BRINP3: variants seen among roughly 807,000 people sequenced by gnomAD.
The protein encoded by BRINP3 is BMP/retinoic acid inducible neural specific 3.
A neutral mutation model predicts 71.0 loss-of-function variants in BRINP3; 19 were observed. The ratio of observed to expected loss-of-function variants is 0.27; its 90% CI spans 0.19 to 0.39. The LOEUF is 0.39. Among genes scored for constraint, BRINP3 ranks in the 10% least tolerant of loss-of-function variants. The pLI is 1.00. For synonymous variants in BRINP3, 380 were observed against 337.7 expected, an observed-to-expected ratio of 1.13 and a Z score of -1.37; for missense variants, 959 against 940.8, an observed-to-expected ratio of 1.02 and a Z score of -0.25.
chr1:190,440,031 T>C (rs1674712284), intron 2 of BRINP3, among the ~76,000 whole-genome samples: 1 of 152,000 alleles, frequency 6.6e-6, no homozygotes, highest in Admixed American at 6.6e-5. Flanking sequence ...TTATCAAAAA[T>C]CAGATTTTTA....
chr1:190,424,451 A>T (rs1673573382), intron 2 of BRINP3, among the ~76,000 whole-genome samples: 1 of 151,632 alleles, frequency 6.6e-6, no homozygotes, highest in Admixed American at 6.6e-5. Context: ...ACAGTGAGGA[A>T]AAGTGGAGAA....
At chr1:190,123,380 G>A (rs563233625) in intron 7 of BRINP3, among the ~76,000 whole-genome samples, 22 of 152,210 alleles carry the variant, frequency 1.4e-4, no homozygotes, top group African/African-American at 5.3e-4. Flanking sequence ...TCAGGAGTCT[G>A]TGTCTTCTGC....
chr1:190,337,514 C>CT (rs1194566122), intron 2 of BRINP3, among the ~76,000 whole-genome samples: 2 of 152,028 alleles, frequency 1.3e-5, no homozygotes, highest in Non-Finnish European at 2.9e-5. Context: ...GCTAGACTGG[C>CT]TGAGTCTTCT....
intron 4 of BRINP3, among the ~76,000 whole-genome samples, chr1:190,235,665 T>A (rs1658444574): frequency 6.6e-6 from 1 of 151,986 alleles, no homozygotes; most frequent in South Asian, 2.1e-4. Flanking sequence ...TTTGACTTGT[T>A]GTTCTAGTAC....
chr1:190,210,184 T>G (rs1425276397), intron 6 of BRINP3, among the ~76,000 whole-genome samples: 3 of 152,140 alleles, frequency 2.0e-5, no homozygotes, highest in African/African-American at 7.2e-5. Flanking sequence ...AGTATTTTTA[T>G]CAAAATTATC....
At chr1:190,217,050 G>A (rs1015324811) in intron 6 of BRINP3, 57 of 152,000 alleles carry the variant, frequency 3.8e-4, no homozygotes, top group African/African-American at 1.3e-3. Flanking sequence ...TCTATGTAGA[G>A]TATAACAGGA....
intron 2 of BRINP3, among the ~76,000 whole-genome samples, chr1:190,406,368 T>G (rs931665170): frequency 6.6e-6 from 1 of 152,192 alleles, no homozygotes; most frequent in African/African-American, 2.4e-5. Context: ...ATGGACCATA[T>G]TTCATAAGCT....
At chr1:190,235,672 G>A (rs1017393796) in intron 4 of BRINP3, among the ~76,000 whole-genome samples, 2 of 151,846 alleles carry the variant, frequency 1.3e-5, no homozygotes, top group African/African-American at 4.8e-5. Flanking sequence ...TGTTGTTCTA[G>A]TACCTGGAAC....
At position 190,199,918 on chromosome 1, in the gene BRINP3, G is replaced by A. The variant is rs564852355; in HGVS notation, c.961+26164C>T. On this transcript the variant is annotated intron_variant, in intron 6 of 7. Coordinates refer to ENST00000367462, the MANE Select transcript of BRINP3 (RefSeq NM_199051.3). ...AATATAAAATATTCACCTTGTCTAT[G>A]TGACAACTACCTGAATTGCCAGACT... 5.3e-5 allele frequency among the ~76,000 whole-genome samples: 8 copies of A among 151,716 alleles called. No homozygotes were observed. In the South Asian group the frequency reaches 1.7e-3, roughly 32 times the overall value.
In BRINP3 at chr1:190,147,386, C is replaced by A. The variant is rs143161970; in HGVS notation, c.1184+13282G>T. 6.7e-3 allele frequency among the ~76,000 whole-genome samples: 1,023 copies of A among 152,078 alleles called. 6 individuals carry two copies. Among genetic ancestry groups the A allele is most frequent in the Non-Finnish European group, 9.7e-3 (661 of 67,958 alleles). ...TTTATTTCAGGATAAAGTTTATATA[C>A]CTTCTTGAGTTGATTATTCTATTAA... On this transcript the variant is annotated intron_variant, in intron 7 of 7. Transcript: ENST00000367462.
chr1:190,347,426 C>T (rs1307115962), intron 2 of BRINP3, among the ~76,000 whole-genome samples: 1 of 152,172 alleles, frequency 6.6e-6, no homozygotes, highest in Non-Finnish European at 1.5e-5. Context: ...AGGCATGAGC[C>T]ACCGCGCCCA....
chr1:190,358,643 C>A (rs1668908241), intron 2 of BRINP3, among the ~76,000 whole-genome samples: 1 of 151,996 alleles, frequency 6.6e-6, no homozygotes, highest in African/African-American at 2.4e-5. Flanking sequence ...ACCATTTGAC[C>A]CAGCCATCCC....
rs139760740 is a variant in BRINP3, at chr1:190,416,968, A to T, written c.236+37687T>A. Reference sequence around the variant, plus strand: ...CTGGATTCATCACTGTACCTAAACCAGAGGAGTTATATGTAAAGGATTAAA... The same window carrying T: ...CTGGATTCATCACTGTACCTAAACCTGAGGAGTTATATGTAAAGGATTAAA... On this transcript the variant is annotated intron_variant, in intron 2 of 7. Transcript: ENST00000367462. Among the ~76,000 whole-genome samples the T allele has an allele frequency of 2.1e-3, 318 of 152,326 alleles. 2 individuals carry two copies. The highest frequency in any genetic ancestry group is 7.3e-3 in the African/African-American group (302 of 41,578).
chr1:190,113,847 T>C (rs1458416049), intron 7 of BRINP3, among the ~76,000 whole-genome samples: 2 of 152,190 alleles, frequency 1.3e-5, no homozygotes, highest in Non-Finnish European at 2.9e-5. Flanking sequence ...TGAGGACATA[T>C]TAACTTCTTT....
intron 7 of BRINP3, among the ~76,000 whole-genome samples, chr1:190,159,439 A>G (rs1657153389): frequency 6.6e-6 from 1 of 152,134 alleles, no homozygotes; most frequent in Non-Finnish European, 1.5e-5. Context: ...AGCATTATTC[A>G]TAATAGCTTA....
intron 2 of BRINP3, among the ~76,000 whole-genome samples, chr1:190,365,820 A>ATATATG (rs1669460542): frequency 6.9e-6 from 1 of 145,836 alleles, no homozygotes; most frequent in African/African-American, 2.5e-5. Context: ...ATATATATAT[A>ATATATG]TATATATATA....
At chr1:190,366,573 A>G (rs1405142754) in intron 2 of BRINP3, among the ~76,000 whole-genome samples, 1 of 152,094 alleles carries the variant, frequency 6.6e-6, no homozygotes, top group Non-Finnish European at 1.5e-5. Flanking sequence ...ACAGCCCCCC[A>G]AAGTCTTAAC....
chr1:190,226,078 T>C lies in BRINP3; in HGVS notation c.961+4A>G. The C allele has an allele frequency of 6.4e-7, 1 of 1,559,680 alleles. No homozygotes were observed. The highest frequency in any genetic ancestry group is 8.7e-7 in the Non-Finnish European group (1 of 1,144,274). ...AAAGTGTTATATTAAAATACATGTCTTACCTGATTCCTCAAAGTCACTGTT... is the reference window on the plus strand; with the variant it reads ...AAAGTGTTATATTAAAATACATGTCCTACCTGATTCCTCAAAGTCACTGTT... On this transcript the variant is annotated splice_donor_region_variant and intron_variant, in intron 6 of 7. Coordinates refer to ENST00000367462, the MANE Select transcript of BRINP3 (RefSeq NM_199051.3).
intron 6 of BRINP3, among the ~76,000 whole-genome samples, chr1:190,218,625 A>G (rs1656610199): frequency 6.6e-6 from 1 of 152,016 alleles, no homozygotes; most frequent in South Asian, 2.1e-4. Flanking sequence ...GCAATTTTGA[A>G]ACATACATTT....
Sources: gnomAD v4.1 joint callset for allele counts (sites outside exome capture counted in the v4.1 genomes callset) on GRCh38, gnomAD v4.1.1 for gene constraint, MANE v1.5 for transcripts, NCBI Gene and HGNC (gene_info 2026-07-23, HGNC 2026-07-21) for gene names.